Variants in KIF6 observed in about 807,000 individuals in gnomAD.
The protein encoded by KIF6 is kinesin family member 6, also known as kinesin-like protein KIF6.
Under a neutral mutation model 112.7 loss-of-function variants are expected in KIF6, and 106 were observed. The ratio of observed to expected loss-of-function variants is 0.94; its 90% CI spans 0.80 to 1.11. The LOEUF is 1.11. Among genes scored for constraint, KIF6 ranks in the 50% least tolerant of loss-of-function variants. The pLI, the probability that KIF6 is intolerant of heterozygous loss-of-function variation, is 0.00. For synonymous variants in KIF6, 339 were observed against 339.9 expected, an observed-to-expected ratio of 1.00 and a Z score of 0.03; for missense variants, 929 against 964.0, an observed-to-expected ratio of 0.96 and a Z score of 0.48.
intron 10 of KIF6, among the ~76,000 whole-genome samples, chr6:39,548,265 C>T (rs1335494127): frequency 6.6e-6 from 1 of 152,242 alleles, no homozygotes; most frequent in Non-Finnish European, 1.5e-5. Flanking sequence ...TACAAGCCTG[C>T]TGATGAGCTG....
chr6:39,724,672 G>A lies in KIF6; in HGVS notation c.66+573C>T, dbSNP rs148590900. The stretch of plus-strand genomic sequence containing the variant: ...TATTAATACAAGGAGTATATGTAAA[G>A]GTTCACGTTTATGTTGGAGAATAAC... On this transcript the variant is annotated intron_variant, in intron 1 of 22. Transcript: ENST00000287152. Among the ~76,000 whole-genome samples, 470 of 152,284 alleles carry A rather than the reference G, an allele frequency of 3.1e-3. 1 individual carries two copies. The highest frequency in any genetic ancestry group is 4.7e-3 in the Non-Finnish European group (323 of 68,018).
At chr6:39,519,724 A>AAACAAAACAAAACAAAACAAAACAG in intron 13 of KIF6, among the ~76,000 whole-genome samples, 1 of 151,956 alleles carries the variant, frequency 6.6e-6, no homozygotes, top group South Asian at 2.1e-4. Flanking sequence ...AAACAAAACA[A>AAACAAAACAAAACAAAACAAAACAG]AACAAAAACA....
intron 13 of KIF6, among the ~76,000 whole-genome samples, chr6:39,532,277 A>C (rs1778117055): frequency 6.6e-6 from 1 of 152,172 alleles, no homozygotes. Flanking sequence ...AAATGAGTTA[A>C]TCCAGGCAGA....
At chr6:39,574,394 T>C (rs1780817142) in intron 10 of KIF6, among the ~76,000 whole-genome samples, 1 of 152,238 alleles carries the variant, frequency 6.6e-6, no homozygotes, top group Non-Finnish European at 1.5e-5. Context: ...AAAGTTTGCA[T>C]GTCGGCAGAA....
At chr6:39,485,708 CA>C (rs889395150) in intron 13 of KIF6, among the ~76,000 whole-genome samples, 1 of 152,114 alleles carries the variant, frequency 6.6e-6, no homozygotes, top group African/African-American at 2.4e-5. Flanking sequence ...TCAGCTATGT[CA>C]GAACACAACA....
intron 17 of KIF6, among the ~76,000 whole-genome samples, chr6:39,361,215 G>C (rs1300455177): frequency 6.6e-6 from 1 of 152,134 alleles, no homozygotes; most frequent in Non-Finnish European, 1.5e-5. Flanking sequence ...CACTGAGATT[G>C]GAAATGTGGG....
At chr6:39,366,575 G>A (rs925759825) in intron 16 of KIF6, among the ~76,000 whole-genome samples, 11 of 152,174 alleles carry the variant, frequency 7.2e-5, no homozygotes, top group African/African-American at 2.7e-4. Context: ...GTGGGTGAGG[G>A]CCTCTAAGTG....
At chr6:39,668,370 T>C (rs1786607767) in intron 3 of KIF6, among the ~76,000 whole-genome samples, 1 of 152,204 alleles carries the variant, frequency 6.6e-6, no homozygotes, top group South Asian at 2.1e-4. Context: ...AATAATCATA[T>C]GATAAGTTCA....
At position 39,540,001 on chromosome 6, in the gene KIF6, A is replaced by AATAGGCTAAAAATTAG; in HGVS notation, c.1645+1_1645+2insCTAATTTTTAGCCTAT. The AATAGGCTAAAAATTAG allele has an allele frequency of 6.3e-7, 1 of 1,592,528 alleles. No individual in the cohort carries two copies. Among genetic ancestry groups the AATAGGCTAAAAATTAG allele is most frequent in the African/African-American group, 1.4e-5 (1 of 73,898 alleles). Reference sequence around the variant, plus strand: ...GAAATACTGGAAATTTAGTCAACTGACCTATTTTCTTGTGGAGCAAACTGG... The same window carrying AATAGGCTAAAAATTAG: ...GAAATACTGGAAATTTAGTCAACTGAATAGGCTAAAAATTAGCCTATTTTCTTGTGGAGCAAACTGG... On this transcript the variant is annotated splice_donor_variant, in intron 13 of 22. Transcript: ENST00000287152. LOFTEE classifies it high-confidence loss of function.
intron 17 of KIF6, among the ~76,000 whole-genome samples, chr6:39,361,582 C>T (rs940461446): frequency 4.4e-5 from 6 of 135,618 alleles, no homozygotes; most frequent in East Asian, 4.2e-4. Flanking sequence ...AAAAAAAAAG[C>T]GGGGGGTGTT....
intron 13 of KIF6, among the ~76,000 whole-genome samples, chr6:39,515,250 T>A (rs779517364): frequency 6.6e-6 from 1 of 152,176 alleles, no homozygotes; most frequent in African/African-American, 2.4e-5. Context: ...GAAACAGGAA[T>A]GTAGGCTTTC....
chr6:39,725,168 G>T, intron 1 of KIF6, 77 bp downstream of exon 1: 1 of 1,292,662 alleles, frequency 7.7e-7, no homozygotes, highest in Non-Finnish European at 1.1e-6. Context: ...CCTCCGCCCA[G>T]CCCCTTCGCG....
intron 3 of KIF6, among the ~76,000 whole-genome samples, chr6:39,681,150 T>C (rs1317654578): frequency 1.3e-5 from 2 of 152,194 alleles, no homozygotes; most frequent in East Asian, 1.9e-4. Flanking sequence ...GACATTTTTA[T>C]ACTATAACAT....
intron 3 of KIF6, among the ~76,000 whole-genome samples, chr6:39,694,499 T>A (rs766721057): frequency 1.3e-5 from 2 of 152,046 alleles, no homozygotes; most frequent in Non-Finnish European, 2.9e-5. Flanking sequence ...TATACAAAAA[T>A]CACTATCATT....
chr6:39,373,637 A>T (rs1343816767), intron 16 of KIF6, among the ~76,000 whole-genome samples: 1 of 152,138 alleles, frequency 6.6e-6, no homozygotes, highest in African/African-American at 2.4e-5. Context: ...ACAACAAAAA[A>T]CCCAAAGAAC....
intron 3 of KIF6, among the ~76,000 whole-genome samples, chr6:39,646,005 G>C (rs561553838): frequency 1.4e-3 from 217 of 151,942 alleles, no homozygotes; most frequent in Middle Eastern, 3.4e-3. Context: ...AGCATTAGGA[G>C]ATATACCTAA....
intron 6 of KIF6, among the ~76,000 whole-genome samples, chr6:39,609,188 A>G (rs747377525): frequency 1.3e-5 from 2 of 152,152 alleles, no homozygotes; most frequent in Non-Finnish European, 2.9e-5. Flanking sequence ...TGAAGAAACC[A>G]CAGAGTAGAA....
At chr6:39,551,163 CTCCATACTGAAATCCTGTCATTTG>C (rs1322547132) in intron 10 of KIF6, among the ~76,000 whole-genome samples, 78 of 152,170 alleles carry the variant, frequency 5.1e-4, no homozygotes, top group Admixed American at 7.2e-4. Context: ...TTGGAGGAAA[CTCCATACTGAAATCCTGTCATTTG>C]CAACAACATA....
intron 4 of KIF6, 112 bp downstream of exon 4, chr6:39,639,498 A>T (rs1784797436): frequency 2.2e-6 from 2 of 897,426 alleles, no homozygotes; most frequent in African/African-American, 3.5e-5. Flanking sequence ...TGACACAATA[A>T]GACTTTATCA....
Sources: gnomAD v4.1 joint callset for allele counts (sites outside exome capture counted in the v4.1 genomes callset) on GRCh38, gnomAD v4.1.1 for gene constraint, MANE v1.5 for transcripts, NCBI Gene and HGNC (gene_info 2026-07-23, HGNC 2026-07-21) for gene names.